Variants in CYFIP1 observed in about 807,000 individuals in gnomAD.
CYFIP1 encodes cytoplasmic FMR1 interacting protein 1.
In CYFIP1, 58 loss-of-function variants were observed where a neutral mutation model predicts 163.5. The ratio of observed to expected loss-of-function variants is 0.35; its 90% CI spans 0.29 to 0.44. The LOEUF is 0.44. Ranked by LOEUF, CYFIP1 falls within the 20% of genes least tolerant of loss-of-function variation. The pLI, the probability that CYFIP1 is intolerant of heterozygous loss-of-function variation, is 1.00. For synonymous variants in CYFIP1, 663 were observed against 660.7 expected (o/e 1.00, Z -0.05); for missense variants, 1,338 against 1,653.8 (o/e 0.81, Z 3.31).
intron 16 of CYFIP1, 26 bp downstream of exon 16, chr15:22,916,451 G>A (rs371828339): frequency 3.4e-5 from 52 of 1,526,788 alleles, no homozygotes; most frequent in Admixed American, 6.8e-5. Context: ...ATGCCAGGCC[G>A]GATGCTGCTC....
intron 16 of CYFIP1, among the ~76,000 whole-genome samples, chr15:22,915,448 A>G (rs1302495911): frequency 2.6e-5 from 4 of 152,108 alleles, no homozygotes; most frequent in African/African-American, 9.7e-5. Context: ...TCTCAAAAGG[A>G]GACATAAAAA....
intron 1 of CYFIP1, among the ~76,000 whole-genome samples, chr15:22,963,556 T>TAAC (rs2062778420): frequency 8.0e-6 from 1 of 124,884 alleles, no homozygotes; most frequent in African/African-American, 3.0e-5. Context: ...TAACATAACA[T>TAAC]AAGAAAGAAT....
chr15:22,937,015 T>C (rs2061731401), intron 9 of CYFIP1, 89 bp downstream of exon 9: 5 of 867,546 alleles, frequency 5.8e-6, no homozygotes, highest in East Asian at 2.6e-5. Context: ...TTTCCTGATA[T>C]AGATCACAGT....
At chr15:22,885,029 G>C (rs1238361474) in intron 23 of CYFIP1, among the ~76,000 whole-genome samples, 1 of 152,048 alleles carries the variant, frequency 6.6e-6, no homozygotes, top group African/African-American at 2.4e-5. Context: ...GCCCAGCCAA[G>C]AAAACCATTT....
intron 1 of CYFIP1, among the ~76,000 whole-genome samples, chr15:22,958,297 G>A (rs187610941): frequency 1.3e-5 from 2 of 152,168 alleles, no homozygotes; most frequent in Admixed American, 1.3e-4. Flanking sequence ...TGTTGGTCAG[G>A]CTGGTTTTGA....
intron 8 of CYFIP1, among the ~76,000 whole-genome samples, chr15:22,937,887 A>T (rs1034451078): frequency 1.3e-5 from 2 of 152,200 alleles, no homozygotes; most frequent in Non-Finnish European, 2.9e-5. Flanking sequence ...TACAGGCATG[A>T]GCCACCGTGC....
chr15:22,973,384 C>CCATTCTTCA (rs1555426481), intron 1 of CYFIP1, among the ~76,000 whole-genome samples: 1 of 151,230 alleles, frequency 6.6e-6, no homozygotes, highest in African/African-American at 2.4e-5. Context: ...CTTTTTCTAC[C>CCATTCTTCA]CGTTCTTCAC....
At chr15:22,887,529 G>A (rs2059958428) in intron 23 of CYFIP1, among the ~76,000 whole-genome samples, 1 of 152,190 alleles carries the variant, frequency 6.6e-6, no homozygotes, top group South Asian at 2.1e-4. Flanking sequence ...TTACAAGTGA[G>A]AGAATTCATT....
At chr15:22,904,020 AG>A in intron 21 of CYFIP1, 115 bp from the exon 22 acceptor site, 1 of 952,056 alleles carries the variant, frequency 1.1e-6, no homozygotes, top group South Asian at 1.5e-5. Context: ...GCACGGAGGC[AG>A]CCCCCAGTGA....
intron 21 of CYFIP1, among the ~76,000 whole-genome samples, chr15:22,907,937 T>TC (rs1248065904): frequency 2.6e-5 from 4 of 152,212 alleles, no homozygotes; most frequent in African/African-American, 9.6e-5. Flanking sequence ...CACCACTCTC[T>TC]CTCTCATCTC....
At chr15:22,931,453 G>A (rs945567210) in intron 11 of CYFIP1, among the ~76,000 whole-genome samples, 8 of 151,974 alleles carry the variant, frequency 5.3e-5, no homozygotes, top group African/African-American at 9.7e-5. Context: ...CCCCTGGGAC[G>A]TCTTCTGACA....
Position 22,932,212 on chromosome 15 carries a change from G to A in CYFIP1, c.1110+11C>T, listed in dbSNP as rs202060747. On this transcript the variant is annotated intron_variant, in intron 11 of 30. Coordinates refer to ENST00000617928, the MANE Select transcript of CYFIP1 (RefSeq NM_014608.6). ...TCGGGTGCCTGTGCAGCTCCAGGTC[G>A]CGGGGCGCACCTCGCTGTTGCTGTA... The A allele has an allele frequency of 6.0e-4, 966 of 1,600,442 alleles. 9 individuals are homozygous for A. In the South Asian group the frequency reaches 9.4e-3, roughly 16 times the overall value.
intron 1 of CYFIP1, among the ~76,000 whole-genome samples, chr15:22,974,271 A>G (rs2063194118): frequency 6.6e-6 from 1 of 152,118 alleles, no homozygotes; most frequent in African/African-American, 2.4e-5. Context: ...CATGGAATCA[A>G]CCTAACTGTC....
chr15:22,970,629 A>G (rs79905041), intron 1 of CYFIP1, among the ~76,000 whole-genome samples: 1,785 of 152,352 alleles, frequency 0.012, 50 homozygotes, highest in African/African-American at 0.041. Flanking sequence ...GAACCCAGAC[A>G]TAAACCTTCA....
rs2062829149 is a variant in CYFIP1 at position 22,964,404 on chromosome 15, CA to C, written c.-7+15882del. On this transcript the variant is annotated intron_variant, in intron 1 of 30. Coordinates refer to ENST00000617928, the MANE Select transcript of CYFIP1 (RefSeq NM_014608.6). ...ACACACACACACACACACACACACA[CA>C]CACCCGGCAGCCCTGCCAGCAGACT... Among the ~76,000 whole-genome samples, 6 of 147,322 alleles carry C rather than the reference CA, an allele frequency of 4.1e-5. No homozygotes were observed. In the East Asian group the frequency reaches 6.0e-4, roughly 15 times the overall value.
At chr15:22,921,195 C>T (rs552837013) in intron 13 of CYFIP1, among the ~76,000 whole-genome samples, 99 of 151,878 alleles carry the variant, frequency 6.5e-4, no homozygotes, top group Admixed American at 3.1e-3. Flanking sequence ...TGGTGAAACC[C>T]CGTCTCTACT....
intron 14 of CYFIP1, among the ~76,000 whole-genome samples, 172 bp downstream of exon 14, chr15:22,918,520 T>G (rs2061071642): frequency 6.6e-6 from 1 of 152,190 alleles, no homozygotes; most frequent in African/African-American, 2.4e-5. Context: ...TTGTTTGGGT[T>G]AATAATTGGA....
intron 17 of CYFIP1, among the ~76,000 whole-genome samples, chr15:22,912,966 C>A (rs1336151185): frequency 6.6e-6 from 1 of 151,924 alleles, no homozygotes; most frequent in East Asian, 1.9e-4. Flanking sequence ...GTGGATGAGG[C>A]AGGAAGATAA....
intron 11 of CYFIP1, among the ~76,000 whole-genome samples, chr15:22,930,659 CA>C (rs750054669): frequency 6.6e-6 from 1 of 151,868 alleles, no homozygotes; most frequent in Non-Finnish European, 1.5e-5. Flanking sequence ...AGGAAAAAAA[CA>C]AAAACTTTTT....
Sources: allele counts gnomAD v4.1 joint callset (sites outside exome capture counted in the v4.1 genomes callset), GRCh38; gene constraint gnomAD v4.1.1; transcripts MANE v1.5; gene names NCBI Gene and HGNC (gene_info 2026-07-23, HGNC 2026-07-21).